BAZ2B: variants seen among roughly 807,000 people sequenced by gnomAD.
BAZ2B encodes the protein bromodomain adjacent to zinc finger domain 2B, also known as bromodomain adjacent to zinc finger domain protein 2B.
A neutral mutation model predicts 246.0 loss-of-function variants in BAZ2B; 91 were observed. That is an observed-to-expected ratio of 0.37 (90% CI 0.31 to 0.44). BAZ2B has a LOEUF of 0.44. Ranked by LOEUF, BAZ2B falls within the 20% of genes least tolerant of loss-of-function variation. The pLI is 1.00. For missense variants in BAZ2B, 2,332 were observed against 2,533.7 expected, an observed-to-expected ratio of 0.92 and a Z score of 1.71; for synonymous variants, 855 against 860.0, an observed-to-expected ratio of 0.99 and a Z score of 0.10.
chr2:159,345,773 C>T (rs2067676625), intron 31 of BAZ2B, among the ~76,000 whole-genome samples: 1 of 152,154 alleles, frequency 6.6e-6, no homozygotes, highest in Admixed American at 6.5e-5. Flanking sequence ...GAGAGGACAA[C>T]CACAGACTAT....
chr2:159,539,178 A>T (rs1476941809), intron 2 of BAZ2B, among the ~76,000 whole-genome samples: 4 of 152,218 alleles, frequency 2.6e-5, no homozygotes, highest in Non-Finnish European at 4.4e-5. Context: ...CATCTACCAC[A>T]GCTATAATGA....
chr2:159,387,838 G>A (rs1473027324), intron 21 of BAZ2B, among the ~76,000 whole-genome samples: 2 of 152,056 alleles, frequency 1.3e-5, no homozygotes, highest in Non-Finnish European at 1.5e-5. Context: ...CTTATTAAAT[G>A]TGTTAACTAA....
In BAZ2B at chr2:159,478,655, G is replaced by T. The variant is rs779641380; in HGVS notation, c.65C>A (p.Thr22Lys). Residue 22 changes from threonine to lysine, a missense_variant, in exon 3 of 37, where the codon ACA (threonine) becomes AAA (lysine). Physicochemically the swap from Thr to Lys is moderately conservative, Grantham distance 78 (BLOSUM62 -1). Coordinates refer to ENST00000392783, the MANE Select transcript of BAZ2B (RefSeq NM_013450.4). Reference sequence around the variant, plus strand: ...TGAAACTACTGAAGCCACAGAAGGTGTCGAAGATGAAGTTGGTGTAGTAGA... The same window carrying T: ...TGAAACTACTGAAGCCACAGAAGGTTTCGAAGATGAAGTTGGTGTAGTAGA... ...ASSTTPTSSSTPSVASVVSKG... is the reference protein window; with the variant it reads ...ASSTTPTSSSKPSVASVVSKG... 3.1e-6 allele frequency: 5 copies of T among 1,611,166 alleles called. No individual in the cohort carries two copies. The Admixed American group carries it at 8.4e-5, about 27-fold the overall frequency.
chr2:159,471,922 T>C (rs1039079276), intron 3 of BAZ2B, among the ~76,000 whole-genome samples: 1 of 152,122 alleles, frequency 6.6e-6, no homozygotes, highest in Admixed American at 6.6e-5. Flanking sequence ...CTGAAATAGA[T>C]TTTAAAGAAA....
chr2:159,477,198 G>A (rs557935542), intron 3 of BAZ2B, among the ~76,000 whole-genome samples: 4 of 152,138 alleles, frequency 2.6e-5, no homozygotes, highest in Admixed American at 2.0e-4. Context: ...CCAGCTACTC[G>A]GGAGGCTGAG....
At chr2:159,488,880 C>T (rs2080138032) in intron 2 of BAZ2B, among the ~76,000 whole-genome samples, 1 of 152,014 alleles carries the variant, frequency 6.6e-6, no homozygotes, top group Non-Finnish European at 1.5e-5. Flanking sequence ...GTGAATTAGT[C>T]ACAAACTCTG....
intron 2 of BAZ2B, among the ~76,000 whole-genome samples, chr2:159,511,025 T>C (rs1042291990): frequency 1.3e-5 from 2 of 152,230 alleles, no homozygotes; most frequent in Admixed American, 1.3e-4. Flanking sequence ...ATACTTTATT[T>C]ACCAAACTAG....
Position 159,462,210 on chromosome 2 carries a change from A to G in BAZ2B, c.146-8409T>C. On this transcript the variant is annotated intron_variant, in intron 3 of 36. Transcript: ENST00000392783. ...ATATAGCAATAACAGAAAATTACAA[A>G]GCAGAGAACACAAAAGAATCAGACA... The G allele has an allele frequency of 8.5e-6, 4 of 471,762 alleles. No individual in the cohort carries two copies. In the East Asian group the frequency reaches 1.2e-4, roughly 14 times the overall value. 29.2% of individuals were successfully genotyped at this position (471,762 alleles called of 1,614,324 possible). A position where few individuals can be genotyped will look rare whatever the true frequency, so the allele number is the denominator to read the frequency against.
intron 32 of BAZ2B, 50 bp downstream of exon 32, chr2:159,337,517 C>T: frequency 2.5e-6 from 4 of 1,613,880 alleles, no homozygotes; most frequent in Non-Finnish European, 3.4e-6. Context: ...ACTGTGCCCA[C>T]ATTATCCAGT....
intron 13 of BAZ2B, among the ~76,000 whole-genome samples, chr2:159,413,411 G>A (rs2067132181): frequency 6.6e-6 from 1 of 152,058 alleles, no homozygotes; most frequent in African/African-American, 2.4e-5. Flanking sequence ...AGACAAACTG[G>A]CTGGGCGCGG....
intron 36 of BAZ2B, 120 bp downstream of exon 36, chr2:159,324,691 T>A: frequency 2.9e-5 from 10 of 340,266 alleles, no homozygotes; most frequent in Non-Finnish European, 5.5e-5. Context: ...CACACACACC[T>A]GCCTCAAAGG....
intron 3 of BAZ2B, among the ~76,000 whole-genome samples, chr2:159,471,740 C>T (rs1301732289): frequency 6.6e-6 from 1 of 151,998 alleles, no homozygotes; most frequent in Non-Finnish European, 1.5e-5. Flanking sequence ...TGAAAAAGTC[C>T]TTTATAATCT....
At chr2:159,686,030 G>A in the BAZ2B span, among the ~76,000 whole-genome samples, 1 of 152,220 alleles carries the variant, frequency 6.6e-6, no homozygotes, top group Non-Finnish European at 1.5e-5. Flanking sequence ...GGGAGGCTGA[G>A]GCAGGAGGAT....
intron 36 of BAZ2B, 134 bp from the exon 37 acceptor site, chr2:159,320,552 T>C (rs530612704): frequency 3.0e-6 from 2 of 673,770 alleles, no homozygotes; most frequent in African/African-American, 3.9e-5. Flanking sequence ...ATAAAATACA[T>C]GATATCCTCT....
intron 1 of BAZ2B, among the ~76,000 whole-genome samples, chr2:159,593,161 T>C (rs149334427): frequency 6.6e-6 from 1 of 152,236 alleles, no homozygotes; most frequent in African/African-American, 2.4e-5. Flanking sequence ...ACATATGATA[T>C]GCTAATCTGT....
At chr2:159,409,385 T>C (rs1416737170) in intron 14 of BAZ2B, among the ~76,000 whole-genome samples, 1 of 152,202 alleles carries the variant, frequency 6.6e-6, no homozygotes, top group Non-Finnish European at 1.5e-5. Context: ...TTTTGGAAAA[T>C]TTGAGATATT....
intron 1 of BAZ2B, among the ~76,000 whole-genome samples, chr2:159,611,659 G>A (rs1003806366): frequency 4.0e-5 from 6 of 151,646 alleles, no homozygotes; most frequent in Non-Finnish European, 8.9e-5. Flanking sequence ...TTTTGTAATG[G>A]CAAATTATTT....
At chr2:159,365,010 C>T (rs1220784823) in intron 27 of BAZ2B, among the ~76,000 whole-genome samples, 3 of 152,108 alleles carry the variant, frequency 2.0e-5, no homozygotes, top group Non-Finnish European at 4.4e-5. Flanking sequence ...GTTTGATCTC[C>T]TCTAGCTAAT....
intron 27 of BAZ2B, among the ~76,000 whole-genome samples, chr2:159,359,944 T>A (rs916592585): frequency 9.2e-5 from 14 of 152,126 alleles, no homozygotes; most frequent in African/African-American, 3.4e-4. Flanking sequence ...TAGGTATTGA[T>A]GGGAGGTATC....
Sources: allele counts gnomAD v4.1 joint callset (sites outside exome capture counted in the v4.1 genomes callset), GRCh38; gene constraint gnomAD v4.1.1; transcripts MANE v1.5; gene names NCBI Gene and HGNC (gene_info 2026-07-23, HGNC 2026-07-21).